TAFA2: variants seen among roughly 807,000 people sequenced by gnomAD.
TAFA2 encodes TAFA chemokine like family member 2.
A neutral mutation model predicts 18.8 loss-of-function variants in TAFA2; 7 were observed. The observed-to-expected ratio is 0.37, with a 90% CI of 0.21 to 0.70. TAFA2 has a LOEUF of 0.70. Ranked by LOEUF, TAFA2 falls within the 30% of genes least tolerant of loss-of-function variation. The pLI is 0.53. For synonymous variants in TAFA2, 60 were observed against 54.2 expected (o/e 1.11, Z -0.47); for missense variants, 122 against 158.1 (o/e 0.77, Z 1.23).
intron 2 of TAFA2, among the ~76,000 whole-genome samples, chr12:61,761,565 A>G (rs1869547813): frequency 6.6e-6 from 1 of 152,066 alleles, no homozygotes; most frequent in African/African-American, 2.4e-5. Context: ...AATAATGGTG[A>G]TTGCTAACAT....
intron 4 of TAFA2, among the ~76,000 whole-genome samples, chr12:61,750,117 TG>T (rs1467007419): frequency 6.6e-6 from 1 of 152,090 alleles, no homozygotes; most frequent in Non-Finnish European, 1.5e-5. Flanking sequence ...GTTACTTTTG[TG>T]TTGTATAATT....
intron 1 of TAFA2, among the ~76,000 whole-genome samples, chr12:62,221,399 T>C (rs1002312661): frequency 2.0e-5 from 3 of 152,198 alleles, no homozygotes; most frequent in African/African-American, 7.2e-5. Flanking sequence ...ACTGATTTAG[T>C]AGGCATCTAG....
intron 2 of TAFA2, among the ~76,000 whole-genome samples, chr12:61,836,236 T>G (rs1016728931): frequency 6.6e-6 from 1 of 151,910 alleles, no homozygotes; most frequent in African/African-American, 2.4e-5. Flanking sequence ...GAATGTGAAA[T>G]GCTTGAGTAA....
rs1478152164 is a variant in TAFA2 at position 61,754,951 on chromosome 12, T to C, written c.180A>G (p.Glu60=). The C allele has an allele frequency of 6.2e-7, 1 of 1,613,008 alleles. No individual in the cohort carries two copies. The change falls in exon 3 of 5, where the codon GAA becomes GAG. Residue 60 remains glutamate, a synonymous_variant. Coordinates refer to ENST00000416284, the MANE Select transcript of TAFA2 (RefSeq NM_178539.5). ...AGGAGCACTTGACTGTTTGTGACCG[T>C]TCTTCTATCTTGTTCTTATTACAGC... ...HRCCNKNKIE[E]RSQTVKCSCF...
chr12:62,010,299 G>T (rs536109604), intron 1 of TAFA2, among the ~76,000 whole-genome samples: 234 of 152,074 alleles, frequency 1.5e-3, no homozygotes, highest in Middle Eastern at 6.8e-3. Context: ...GCCTGGGTTT[G>T]CCAGCGCGCC....
At chr12:62,032,114 T>A (rs1881475055) in intron 1 of TAFA2, among the ~76,000 whole-genome samples, 1 of 152,152 alleles carries the variant, frequency 6.6e-6, no homozygotes, top group African/African-American at 2.4e-5. Flanking sequence ...AATACCAACC[T>A]GGAAAAGTAT....
chr12:62,108,556 C>T (rs1271838974), intron 1 of TAFA2, among the ~76,000 whole-genome samples: 6 of 152,144 alleles, frequency 3.9e-5, no homozygotes, highest in African/African-American at 9.7e-5. Context: ...CTTGAGGAAT[C>T]GCCACACTGT....
chr12:62,102,758 A>T (rs1235287970), intron 1 of TAFA2, among the ~76,000 whole-genome samples: 1 of 152,228 alleles, frequency 6.6e-6, no homozygotes, highest in Non-Finnish European at 1.5e-5. Context: ...AAAGAGAAAA[A>T]TACTAAGATG....
At chr12:62,190,541 T>TA (rs1191924855) in intron 1 of TAFA2, among the ~76,000 whole-genome samples, 1 of 152,212 alleles carries the variant, frequency 6.6e-6, no homozygotes, top group Non-Finnish European at 1.5e-5. Flanking sequence ...AAGCCATTCT[T>TA]ATTCTGAACG....
chr12:61,753,812 T>G, intron 3 of TAFA2, 66 bp from the exon 4 acceptor site: 1 of 1,440,872 alleles, frequency 6.9e-7, no homozygotes, highest in Non-Finnish European at 9.4e-7. Flanking sequence ...TGTTCACCTT[T>G]AAAGAGGAAC....
At chr12:62,221,805 C>T (rs1217576958) in intron 1 of TAFA2, among the ~76,000 whole-genome samples, 1 of 151,746 alleles carries the variant, frequency 6.6e-6, no homozygotes, top group East Asian at 1.9e-4. Context: ...AAAGCTCTGA[C>T]CATCAAGTTA....
chr12:62,086,679 A>G (rs1235590807), intron 1 of TAFA2, among the ~76,000 whole-genome samples: 1 of 152,088 alleles, frequency 6.6e-6, no homozygotes, highest in Non-Finnish European at 1.5e-5. Flanking sequence ...ATGTAGAGAA[A>G]ATGAAATCTT....
chr12:61,787,362 T>C (rs1011169996), intron 2 of TAFA2, among the ~76,000 whole-genome samples: 5 of 151,490 alleles, frequency 3.3e-5, no homozygotes, highest in African/African-American at 1.2e-4. Context: ...TAAAAACATA[T>C]GAAAGTATAA....
At chr12:62,009,511 T>C (rs575671038) in intron 1 of TAFA2, among the ~76,000 whole-genome samples, 38 of 152,320 alleles carry the variant, frequency 2.5e-4, no homozygotes, top group African/African-American at 8.7e-4. Flanking sequence ...ATTACCACTA[T>C]GAAACGCTCT....
intron 1 of TAFA2, among the ~76,000 whole-genome samples, chr12:62,247,896 T>G (rs2062894548): frequency 6.6e-6 from 1 of 151,464 alleles, no homozygotes; most frequent in African/African-American, 2.4e-5. Context: ...TTAAAATCAA[T>G]GAAAAATTAG....
chr12:62,109,535 A>G (rs1053164404), intron 1 of TAFA2, among the ~76,000 whole-genome samples: 1 of 152,174 alleles, frequency 6.6e-6, no homozygotes, highest in South Asian at 2.1e-4. Flanking sequence ...TGGTAGCTTG[A>G]TGGGGATAAC....
intron 2 of TAFA2, among the ~76,000 whole-genome samples, chr12:61,837,111 A>G (rs1239621489): frequency 2.0e-5 from 3 of 151,708 alleles, no homozygotes; most frequent in African/African-American, 7.3e-5. Context: ...CAGATCCAAC[A>G]CTCCATATCT....
chr12:61,805,697 A>C (rs79298479), intron 2 of TAFA2, among the ~76,000 whole-genome samples: 3,739 of 152,182 alleles, frequency 0.025, 149 homozygotes, highest in African/African-American at 0.085. Context: ...AACAGGACCT[A>C]TATTTAGTAG....
At chr12:62,029,508 T>C (rs1426194552) in intron 1 of TAFA2, among the ~76,000 whole-genome samples, 1 of 152,188 alleles carries the variant, frequency 6.6e-6, no homozygotes, top group Non-Finnish European at 1.5e-5. Flanking sequence ...GTATACAGTT[T>C]CCATGTCCCA....
Sources: gnomAD v4.1 joint callset for allele counts (sites outside exome capture counted in the v4.1 genomes callset) on GRCh38, gnomAD v4.1.1 for gene constraint, MANE v1.5 for transcripts, NCBI Gene and HGNC (gene_info 2026-07-23, HGNC 2026-07-21) for gene names.